The following NRG1 variants were observed in gnomAD, a reference collection of about 807,000 sequenced individuals.
The protein encoded by NRG1 is neuregulin 1.
NRG1 carries 18 observed loss-of-function variants against 63.8 expected under a neutral mutation model. The observed-to-expected ratio is 0.28, with a 90% CI of 0.19 to 0.42. NRG1 has a LOEUF of 0.42. Ranked by LOEUF, NRG1 falls within the 10% of genes least tolerant of loss-of-function variation. The pLI, the probability that NRG1 is intolerant of heterozygous loss-of-function variation, is 1.00. For missense variants in NRG1, 762 were observed against 814.7 expected, an observed-to-expected ratio of 0.94 and a Z score of 0.79; for synonymous variants, 302 against 301.3, an observed-to-expected ratio of 1.00 and a Z score of -0.02.
At chr8:31,962,782 A>T (rs1805677039) in intron 1 of NRG1, among the ~76,000 whole-genome samples, 1 of 152,032 alleles carries the variant, frequency 6.6e-6, no homozygotes, top group Admixed American at 6.6e-5. Flanking sequence ...ATATTCAAAC[A>T]CTTTGGGAAA....
At chr8:32,161,159 G>A (rs73232241) in intron 1 of NRG1, among the ~76,000 whole-genome samples, 10,528 of 151,704 alleles carry the variant, frequency 0.069, 417 homozygotes, top group African/African-American at 0.1. Flanking sequence ...CCCTCATTAA[G>A]CATTGTTTTC....
intron 5 of NRG1, among the ~76,000 whole-genome samples, chr8:32,623,363 C>A (rs916356477): frequency 4.6e-5 from 7 of 152,150 alleles, no homozygotes; most frequent in Non-Finnish European, 7.4e-5. Flanking sequence ...GGAAAAATGC[C>A]ATTTCAATTT....
chr8:32,111,291 A>G (rs1831992731), intron 1 of NRG1, among the ~76,000 whole-genome samples: 2 of 151,856 alleles, frequency 1.3e-5, no homozygotes, highest in Admixed American at 6.6e-5. Flanking sequence ...TAATTTTTGT[A>G]TTTTTAGTAG....
chr8:32,187,171 G>A (rs1040968609), intron 1 of NRG1, among the ~76,000 whole-genome samples: 7 of 152,186 alleles, frequency 4.6e-5, no homozygotes, highest in African/African-American at 1.4e-4. Context: ...AATATTAAAT[G>A]TCACTTCTAT....
intron 1 of NRG1, among the ~76,000 whole-genome samples, chr8:32,019,297 A>T (rs990766761): frequency 6.6e-6 from 1 of 152,044 alleles, no homozygotes. Flanking sequence ...ACGGGTTTTC[A>T]CCATGTTAGC....
intron 1 of NRG1, among the ~76,000 whole-genome samples, chr8:32,163,455 A>G (rs1313170736): frequency 1.3e-5 from 2 of 152,158 alleles, no homozygotes; most frequent in Non-Finnish European, 1.5e-5. Context: ...CCTGCAAAAA[A>G]CACAAGCATC....
At chr8:32,619,264 T>G (rs891522318) in intron 5 of NRG1, among the ~76,000 whole-genome samples, 1 of 152,074 alleles carries the variant, frequency 6.6e-6, no homozygotes, top group African/African-American at 2.4e-5. Context: ...GAAACTGTAT[T>G]TAGGCAAAGA....
At chr8:31,800,778 G>T (rs1821691185) in intron 1 of NRG1, among the ~76,000 whole-genome samples, 1 of 150,044 alleles carries the variant, frequency 6.7e-6, no homozygotes, top group African/African-American at 2.5e-5. Flanking sequence ...TAAACATTTT[G>T]TCACTACCTA....
chr8:32,445,349 T>A (rs2129487705), intron 1 of NRG1, among the ~76,000 whole-genome samples: 1 of 152,326 alleles, frequency 6.6e-6, no homozygotes, highest in South Asian at 2.1e-4. Flanking sequence ...AATCCACGGA[T>A]GCAGAACCCA....
At chr8:32,497,164 C>T (rs968353505) in intron 1 of NRG1, among the ~76,000 whole-genome samples, 3 of 151,902 alleles carry the variant, frequency 2.0e-5, no homozygotes, top group South Asian at 2.1e-4. Context: ...AGCAAAATTT[C>T]GCCCAGGCAC....
chr8:31,780,058 A>T (rs1290889369), intron 1 of NRG1, among the ~76,000 whole-genome samples: 1 of 152,228 alleles, frequency 6.6e-6, no homozygotes, highest in Non-Finnish European at 1.5e-5. Context: ...GCTATGTCCT[A>T]GGAAAACATA....
intron 1 of NRG1, among the ~76,000 whole-genome samples, chr8:32,542,599 T>C (rs987734496): frequency 1.3e-5 from 2 of 152,138 alleles, no homozygotes; most frequent in African/African-American, 4.8e-5. Context: ...GCAGAGGATA[T>C]AGCTAGTGCA....
At chr8:31,775,378 A>G (rs1419964331) in intron 1 of NRG1, among the ~76,000 whole-genome samples, 1 of 152,238 alleles carries the variant, frequency 6.6e-6, no homozygotes, top group Admixed American at 6.5e-5. Flanking sequence ...CTTATGAGTG[A>G]GAGATAAACA....
intron 1 of NRG1, among the ~76,000 whole-genome samples, chr8:31,952,763 G>A (rs913098198): frequency 5.3e-5 from 8 of 152,162 alleles, no homozygotes; most frequent in African/African-American, 1.4e-4. Context: ...GACCCAGACC[G>A]CAAAATGTCA....
At chr8:32,402,344 G>T (rs1563413840) in intron 1 of NRG1, among the ~76,000 whole-genome samples, 1 of 152,088 alleles carries the variant, frequency 6.6e-6, no homozygotes, top group Non-Finnish European at 1.5e-5. Context: ...GGAAATAGGT[G>T]CAGTGGGCCC....
intron 1 of NRG1, among the ~76,000 whole-genome samples, chr8:31,656,143 G>A (rs1159005959): frequency 6.6e-6 from 1 of 152,156 alleles, no homozygotes; most frequent in Admixed American, 6.5e-5. Flanking sequence ...GTGGGAGAGT[G>A]TAAGGAAAAG....
intron 1 of NRG1, among the ~76,000 whole-genome samples, chr8:31,694,696 G>T (rs1809879120): frequency 6.6e-6 from 1 of 152,166 alleles, no homozygotes; most frequent in Non-Finnish European, 1.5e-5. Flanking sequence ...GACATTTGCG[G>T]CATCTAACCC....
chr8:32,544,679 CTTTTTTTT>C (rs755780220), upstream of NRG1, among the ~76,000 whole-genome samples: 6 of 80,436 alleles, frequency 7.5e-5, no homozygotes, highest in African/African-American at 2.4e-4. Flanking sequence ...ATTTTTGTAT[CTTTTTTTT>C]TTTTTTTTTT....
chr8:31,803,273 T>C (rs954083942), intron 1 of NRG1, among the ~76,000 whole-genome samples: 2 of 152,216 alleles, frequency 1.3e-5, no homozygotes, highest in African/African-American at 4.8e-5. Flanking sequence ...TCATGAGATG[T>C]CAGGGCTAGG....
Sources: gnomAD v4.1 joint callset for allele counts (sites outside exome capture counted in the v4.1 genomes callset) on GRCh38, gnomAD v4.1.1 for gene constraint, MANE v1.5 for transcripts, NCBI Gene and HGNC (gene_info 2026-07-23, HGNC 2026-07-21) for gene names.